The following NPC1L1 variants were observed in gnomAD, a reference collection of about 807,000 sequenced individuals.
NPC1L1 encodes the protein NPC1 like intracellular cholesterol transporter 1.
A neutral mutation model predicts 117.0 loss-of-function variants in NPC1L1; 98 were observed. That is an observed-to-expected ratio of 0.84 (90% confidence interval 0.71 to 0.99). NPC1L1 has a LOEUF of 0.99. Ranked by LOEUF, NPC1L1 falls within the 50% of genes least tolerant of loss-of-function variation. The pLI is 0.00. For synonymous variants in NPC1L1, 729 were observed against 727.6 expected (o/e 1.00, Z -0.03); for missense variants, 1,540 against 1,710.0 (o/e 0.90, Z 1.75).
At position 44,539,952 on chromosome 7, in the gene NPC1L1, GT is replaced by G. The variant is rs1249489191; in HGVS notation, c.444del (p.Gln149AsnfsTer88). 1 of 1,614,122 alleles carries G rather than the reference GT, an allele frequency of 6.2e-7. No individual in the cohort carries two copies. The highest frequency in any genetic ancestry group is 8.5e-7 in the Non-Finnish European group (1 of 1,180,050). On this transcript the variant is annotated frameshift_variant, in exon 2 of 19. Transcript: ENST00000381160. LOFTEE classifies it high-confidence loss of function. This position sits in a 1 kb window ranked among gnomAD's most constrained non-coding sequence, Gnocchi z 4.4. Reference sequence around the variant, plus strand: ...TCATAGGCCACCACAGCTGGGAGTTGTCCAGCCCCTAGCTGGGCCACGCGGG... The same window carrying G: ...TCATAGGCCACCACAGCTGGGAGTTGCCAGCCCCTAGCTGGGCCACGCGGG... ...NVTRVAQLGA[G>X]QLPAVVAYEA... is the part of the protein sequence containing the mutation.
At position 44,513,329 on chromosome 7, in the gene NPC1L1, C is replaced by T. The variant is rs762127492; in HGVS notation, c.*118G>A. 1 of 973,324 alleles carries T rather than the reference C, an allele frequency of 1.0e-6. No individual in the cohort carries two copies. The highest frequency in any genetic ancestry group is 1.9e-5 in the Admixed American group (1 of 53,258). The allele number at this position is 973,324 out of a possible 1,614,324, so 60.3% of individuals were successfully genotyped here. ...GCCATCCTCCAGTGACAGGCAGTCT[C>T]ATGGGAATGGCCTCCCCTAGGATTT... On this transcript the variant is annotated 3_prime_UTR_variant, in exon 19 of 19. Coordinates refer to ENST00000381160, the MANE Select transcript of NPC1L1 (RefSeq NM_001101648.2).
chr7:44,519,917 C>T (rs574002727), intron 14 of NPC1L1, among the ~76,000 whole-genome samples: 2 of 152,062 alleles, frequency 1.3e-5, no homozygotes, highest in East Asian at 1.9e-4. Flanking sequence ...GCATTCTTCC[C>T]GCCCAGCCTT....
chr7:44,524,590 A>G (rs947290750), intron 10 of NPC1L1, among the ~76,000 whole-genome samples: 5 of 152,076 alleles, frequency 3.3e-5, no homozygotes, highest in Non-Finnish European at 5.9e-5. Context: ...CCCTGTCTCT[A>G]CTAAAAATAC....
rs757717501 is a variant in NPC1L1 at position 44,517,307 on chromosome 7, T to A, written c.3187A>T (p.Thr1063Ser). ...HKPLKNSQDY[T>S]EALRAARELA... ...TCTCGAGCTGCCCGCAGAGCTTCTG[T>A]GTAATCCTGTGAGTTTTTCAGGGGC... Residue 1063 changes from threonine to serine, a missense_variant, in exon 15 of 19, where the codon ACA becomes TCA. By Grantham distance (58) the Thr-to-Ser change is moderately conservative. This residue lies in a region of NPC1L1 where 742 missense variants were observed against 873.6 expected (regional missense o/e 0.85). Transcript: ENST00000381160. 1.9e-6 allele frequency: 3 copies of A among 1,614,048 alleles called. No individual in the cohort carries two copies. Among genetic ancestry groups the A allele is most frequent in the Non-Finnish European group, 2.5e-6 (3 of 1,180,028 alleles).
chr7:44,527,078 T>C (rs764776180), intron 10 of NPC1L1, among the ~76,000 whole-genome samples: 1 of 152,018 alleles, frequency 6.6e-6, no homozygotes, highest in Non-Finnish European at 1.5e-5. Flanking sequence ...TAAGACATTC[T>C]CAGATAAACA....
Position 44,539,567 on chromosome 7 carries a change from T to C in NPC1L1, c.830A>G (p.Tyr277Cys), listed in dbSNP as rs769817447. 6.2e-7 allele frequency: 1 copy of C among 1,613,930 alleles called. No individual in the cohort carries two copies. Among genetic ancestry groups the C allele is most frequent in the Non-Finnish European group, 8.5e-7 (1 of 1,179,968 alleles). Residue 277 changes from tyrosine to cysteine, a missense_variant, in exon 2 of 19, where the codon TAC becomes TGC. Tyr to Cys is a radical substitution (Grantham distance 194). Around this residue, in one of 3 missense-constraint regions of NPC1L1, gnomAD observed 793 missense variants for 820.4 expected, o/e 0.97. Coordinates refer to ENST00000381160, the MANE Select transcript of NPC1L1 (RefSeq NM_001101648.2). The surrounding 1 kb of genome is among the most constrained non-coding windows in gnomAD (Gnocchi z 4.4). ...ARPQALDSTF[Y>C]LGQMPGSLVL... ...CAGACTGCCCGGCATCTGGCCCAGG[T>C]AGAAGGTGGAGTCGAGGGCCTGGGG...
chr7:44,535,719 C>G, intron 5 of NPC1L1, 121 bp downstream of exon 5: 1 of 1,387,158 alleles, frequency 7.2e-7, no homozygotes, highest in Non-Finnish European at 1.0e-6. Context: ...TTGGGGCAGC[C>G]ACTTGGGTGT....
intron 10 of NPC1L1, among the ~76,000 whole-genome samples, chr7:44,528,155 T>A (rs750864419): frequency 1.3e-5 from 2 of 152,206 alleles, no homozygotes; most frequent in Non-Finnish European, 2.9e-5. Flanking sequence ...TGTCTCTCTG[T>A]TGCTCAGGCT....
chr7:44,540,200 A>G lies in NPC1L1; in HGVS notation c.197T>C (p.Ile66Thr). 3 of 1,613,888 alleles carry G rather than the reference A, an allele frequency of 1.9e-6. No individual in the cohort carries two copies. Among genetic ancestry groups the G allele is most frequent in the Non-Finnish European group, 2.5e-6 (3 of 1,179,992 alleles). ...TAATAGGATCAGGTGATCACCTGTG[A>G]TCTTGCGGGCCGGCGTGTTGGACAG... is the stretch of plus-strand genomic sequence containing the variant. The part of the protein sequence containing the change: ...SCLSNTPARK[I>T]TGDHLILLQK... Residue 66 changes from isoleucine (I) to threonine (T), a missense_variant, in exon 2 of 19, where the codon ATC becomes ACC. Around this residue, in one of 3 missense-constraint regions of NPC1L1, gnomAD observed 793 missense variants for 820.4 expected, o/e 0.97. Transcript: ENST00000381160.
Position 44,540,157 on chromosome 7 carries a change from G to A in NPC1L1, c.240C>T (p.Arg80=). 1 of 1,613,688 alleles carries A rather than the reference G, an allele frequency of 6.2e-7. No individual in the cohort carries two copies. The highest frequency in any genetic ancestry group is 8.5e-7 in the Non-Finnish European group (1 of 1,179,898). The stretch of plus-strand genomic sequence containing the variant: ...CTTGGGTGTTGGGGCCGGTGTAGAG[G>A]CGGGGGCAGATCTTCTGTAATAGGA... The part of the protein sequence containing the change: ...HLILLQKICP[R]LYTGPNTQAC... The change falls in exon 2 of 19, where the codon CGC becomes CGT. Residue 80 remains arginine (R), a synonymous_variant. Transcript: ENST00000381160.
At chr7:44,540,582 G>C (rs2117088932) in intron 1 of NPC1L1, among the ~76,000 whole-genome samples, 1 of 152,168 alleles carries the variant, frequency 6.6e-6, no homozygotes, top group East Asian at 1.9e-4. Flanking sequence ...AGTCATGCTG[G>C]AGAGGCCAGA....
At chr7:44,524,808 G>A (rs955788073) in intron 10 of NPC1L1, among the ~76,000 whole-genome samples, 1 of 151,948 alleles carries the variant, frequency 6.6e-6, no homozygotes, top group South Asian at 2.1e-4. Context: ...TGCTCAAAGA[G>A]CTAAAAGAAA....
intron 10 of NPC1L1, among the ~76,000 whole-genome samples, chr7:44,527,461 CAAAAA>C (rs1160435212): frequency 1.0e-4 from 4 of 40,106 alleles, no homozygotes; most frequent in Non-Finnish European, 2.0e-4. Context: ...AACAACTTCT[CAAAAA>C]AAAAAAAAAA....
chr7:44,518,644 G>T, intron 14 of NPC1L1: 1 of 1,050,296 alleles, frequency 9.5e-7, no homozygotes, highest in Non-Finnish European at 1.3e-6. Context: ...ACTCCAGCCT[G>T]GGTGACAGAA....
intron 10 of NPC1L1, among the ~76,000 whole-genome samples, chr7:44,531,522 T>C (rs1210386589): frequency 1.3e-5 from 2 of 152,220 alleles, no homozygotes; most frequent in African/African-American, 4.8e-5. Context: ...AGCCCTCCGA[T>C]GCCTGGGCCA....
rs1456485333 is a variant in NPC1L1, at chr7:44,540,037, A to G, written c.360T>C (p.Phe120=). Reference sequence around the variant, plus strand: ...ACGTGTTGTGGCAGTGCAGGTTCACAAAATTGTCAGAGCAGGCTGGGCAGC... The same window carrying G: ...ACGTGTTGTGGCAGTGCAGGTTCACGAAATTGTCAGAGCAGGCTGGGCAGC... The part of the protein sequence containing the change: ...LTRCPACSDN[F]VNLHCHNTCS... Residue 120 remains phenylalanine, a synonymous_variant, in exon 2 of 19, where the codon TTT becomes TTC. Transcript: ENST00000381160. The G allele has an allele frequency of 6.2e-7, 1 of 1,614,110 alleles. No homozygotes were observed. Among genetic ancestry groups the G allele is most frequent in the African/African-American group, 1.3e-5 (1 of 74,938 alleles).
At chr7:44,520,688 G>A (rs1435593672) in intron 14 of NPC1L1, 77 bp downstream of exon 14, 5 of 1,230,462 alleles carry the variant, frequency 4.1e-6, no homozygotes, top group Non-Finnish European at 6.0e-6. Flanking sequence ...ACATGTGACA[G>A]GCTGTTCCCT....
intron 18 of NPC1L1, 143 bp from the exon 19 acceptor site, chr7:44,513,792 C>T: frequency 1.1e-6 from 1 of 921,102 alleles, no homozygotes. Flanking sequence ...TCACTATGTT[C>T]ACAGCCCAAG....
rs1347565791 is a variant in NPC1L1 at position 44,534,686 on chromosome 7, C to T, written c.1984-57G>A. The T allele has an allele frequency of 3.8e-6, 6 of 1,588,658 alleles. No individual in the cohort carries two copies. Among genetic ancestry groups the T allele is most frequent in the African/African-American group, 1.3e-5 (1 of 74,372 alleles). ...ACTTAGCACCTACCCAGTATGCCCA[C>T]CAGCCTCAGCTAGGCCAGACAAAGT... is the stretch of plus-strand genomic sequence containing the variant. On this transcript the variant is annotated intron_variant, in intron 5 of 18. Transcript: ENST00000381160. This position sits in a 1 kb window ranked among gnomAD's most constrained non-coding sequence, Gnocchi z 5.2.
Sources: gnomAD v4.1 joint callset for allele counts (sites outside exome capture counted in the v4.1 genomes callset) on GRCh38, gnomAD v4.1.1 for gene constraint, gnomAD v4.1.1 regional missense constraint, Gnocchi (gnomAD v3.1) non-coding constraint, MANE v1.5 for transcripts, NCBI Gene and HGNC (gene_info 2026-07-23, HGNC 2026-07-21) for gene names.